NKX3-2: variants seen among roughly 807,000 people sequenced by gnomAD.
NKX3-2 encodes NK3 homeobox 2.
Under a neutral mutation model 19.4 loss-of-function variants are expected in NKX3-2, and 13 were observed. The observed-to-expected ratio is 0.67, with a 90% confidence interval of 0.44 to 1.07. The LOEUF (loss-of-function observed/expected upper bound fraction) is 1.07. Ranked by LOEUF, NKX3-2 falls within the 50% of genes least tolerant of loss-of-function variation. The pLI, the probability that NKX3-2 is intolerant of heterozygous loss-of-function variation, is 0.00. For missense variants in NKX3-2, 562 were observed against 488.2 expected (o/e 1.15, Z -1.42); for synonymous variants, 269 against 230.5 (o/e 1.17, Z -1.51).
upstream of NKX3-2, chr4:13,546,718 C>G (rs1459086308): frequency 2.8e-6 from 1 of 357,670 alleles, no homozygotes; most frequent in African/African-American, 2.1e-5. Context: ...TCACCGAATA[C>G]TAGAGTAGGT....
At position 13,543,847 on chromosome 4, in the gene NKX3-2, C is replaced by T; in HGVS notation, c.466+102G>A. ...TTCGGGATTTGGCCAGCCTCCGAGC[C>T]CCAGGGCGCAGGGTGCTCAAGCCGA... On this transcript the variant is annotated intron_variant, in intron 1 of 1. Transcript: ENST00000382438. The surrounding 1 kb of genome is among the most constrained non-coding windows in gnomAD (Gnocchi z 7.1). The T allele has an allele frequency of 1.8e-6, 2 of 1,101,538 alleles. No homozygotes were observed. The highest frequency in any genetic ancestry group is 3.5e-5 in the South Asian group (2 of 56,840). The allele number at this position is 1,101,538 out of a possible 1,614,324, so 68.2% of individuals were successfully genotyped here.
At chr4:13,547,353 C>T (rs1347510926), upstream of NKX3-2, 6 of 408,004 alleles carry the variant, frequency 1.5e-5, 1 homozygote, top group South Asian at 1.0e-4. Flanking sequence ...CTGTGAGCTC[C>T]AGGAACTCTG....
In NKX3-2 at chr4:13,542,257, G is replaced by A. The variant is rs1293347858; in HGVS notation, c.738C>T (p.Thr246=). Residue 246 remains threonine, a synonymous_variant, in exon 2 of 2, where the codon ACC becomes ACT. Coordinates refer to ENST00000382438, the MANE Select transcript of NKX3-2 (RefSeq NM_001189.4). This position sits in a 1 kb window ranked among gnomAD's most constrained non-coding sequence, Gnocchi z 6.4. ...RADLAASLKL[T]ETQVKIWFQN... is the part of the protein sequence containing the mutation. ...GGAACCAGATTTTCACCTGCGTCTC[G>A]GTGAGCTTCAGCGACGCGGCCAGGT... 1.9e-6 allele frequency: 3 copies of A among 1,611,432 alleles called. No individual in the cohort carries two copies. Among genetic ancestry groups the A allele is most frequent in the South Asian group, 1.1e-5 (1 of 90,726 alleles).
upstream of NKX3-2, chr4:13,547,522 C>T (rs1224077804): frequency 4.4e-6 from 1 of 229,104 alleles, no homozygotes; most frequent in Non-Finnish European, 8.5e-6. Context: ...GCCCACGGGC[C>T]CATTTTTTCC....
rs1718032532 is a variant in NKX3-2 at position 13,543,202 on chromosome 4, C to G, written c.467-674G>C. Among the ~76,000 whole-genome samples, 1 of 152,028 alleles carries G rather than the reference C, an allele frequency of 6.6e-6. No individual in the cohort carries two copies. ...CTTCTCGGTCTCGTACCCGCCCTTC[C>G]GAAGAACTCCAGCAGAAAGGTCCAG... is the stretch of plus-strand genomic sequence containing the variant. On this transcript the variant is annotated intron_variant, in intron 1 of 1. Transcript: ENST00000382438. This position sits in a 1 kb window ranked among gnomAD's most constrained non-coding sequence, Gnocchi z 7.1.
upstream of NKX3-2, chr4:13,547,238 G>C (rs1238394693): frequency 2.2e-6 from 1 of 456,216 alleles, no homozygotes; most frequent in African/African-American, 2.0e-5. Flanking sequence ...TGGCGAAGGC[G>C]CAGCAGGCCT....
Position 13,542,568 on chromosome 4 carries a change from C to T in NKX3-2, c.467-40G>A, listed in dbSNP as rs750386174. 5.6e-6 allele frequency: 9 copies of T among 1,595,244 alleles called. No individual in the cohort carries two copies. The highest frequency in any genetic ancestry group is 7.6e-6 in the Non-Finnish European group (9 of 1,178,854). ...GGGAACAGAAACAAGAGACTGTCAGCGCCACAGACGAGGTGAGGCCGGGCC... is the reference window on the plus strand; with the variant it reads ...GGGAACAGAAACAAGAGACTGTCAGTGCCACAGACGAGGTGAGGCCGGGCC... On this transcript the variant is annotated intron_variant, in intron 1 of 1. Transcript: ENST00000382438. The surrounding 1 kb of genome is among the most constrained non-coding windows in gnomAD (Gnocchi z 6.4).
upstream of NKX3-2, chr4:13,547,589 T>G (rs1448375129): frequency 5.2e-6 from 1 of 190,574 alleles, no homozygotes; most frequent in Non-Finnish European, 1.1e-5. Context: ...CACCTTTGTC[T>G]TCTTCCTCCT....
At chr4:13,547,260 A>T (rs1718154246), upstream of NKX3-2, 1 of 456,072 alleles carries the variant, frequency 2.2e-6, no homozygotes, top group Non-Finnish European at 4.4e-6. Context: ...CGCCTGTCGG[A>T]GGACGGCAGA....
At chr4:13,544,741 G>GA (rs985146108), upstream of NKX3-2, 2 of 183,476 alleles carry the variant, frequency 1.1e-5, no homozygotes, top group African/African-American at 4.7e-5. Context: ...CGGGGGACGT[G>GA]AAGGAGGATT....
Position 13,544,219 on chromosome 4 carries a change from C to A in NKX3-2, c.196G>T (p.Ala66Ser), listed in dbSNP as rs1008218980. Residue 66 changes from alanine (A) to serine (S), a missense_variant, in exon 1 of 2, where the codon GCC (alanine) becomes TCC (serine). Ala to Ser is a moderately conservative substitution (Grantham distance 99, BLOSUM62 1). Transcript: ENST00000382438. ...GGAGACGCCAGCAGAGAGTCCTCGG[C>A]GCCCCCCAACGCGCCCGCGTCCCTC... ...GERDAGALGG[A>S]EDSLLASPAG... 2 of 1,592,906 alleles carry A rather than the reference C, an allele frequency of 1.3e-6. No homozygotes were observed. Among genetic ancestry groups the A allele is most frequent in the Admixed American group, 1.7e-5 (1 of 58,984 alleles).
Position 13,542,030 on chromosome 4 carries a change from G to T in NKX3-2, c.965C>A (p.Ala322Glu). The change falls in exon 2 of 2, where the codon GCG (alanine) becomes GAG (glutamate). Residue 322 changes from alanine (A) to glutamate (E), a missense_variant. Coordinates refer to ENST00000382438, the MANE Select transcript of NKX3-2 (RefSeq NM_001189.4). The surrounding 1 kb of genome is among the most constrained non-coding windows in gnomAD (Gnocchi z 6.4). ...TGCGGCAGCTGCGCAGGTGGAGAGC[G>T]CCCAGCCTGGGAGGCAGTAGTACGG... Reference protein sequence around the residue: ...YYPYYCLPGWALSTCAAAAGT... With the variant: ...YYPYYCLPGWELSTCAAAAGT... The T allele has an allele frequency of 6.3e-7, 1 of 1,598,340 alleles. No individual in the cohort carries two copies. Among genetic ancestry groups the T allele is most frequent in the Non-Finnish European group, 8.5e-7 (1 of 1,173,004 alleles).
chr4:13,544,214 C>G lies in NKX3-2; in HGVS notation c.201G>C (p.Glu67Asp), dbSNP rs760844560. 1.3e-6 allele frequency: 2 copies of G among 1,596,040 alleles called. No homozygotes were observed. The highest frequency in any genetic ancestry group is 1.1e-5 in the South Asian group (1 of 89,942). The change falls in exon 1 of 2, where the codon GAG becomes GAC. Residue 67 changes from glutamate (E) to aspartate (D), a missense_variant. Coordinates refer to ENST00000382438, the MANE Select transcript of NKX3-2 (RefSeq NM_001189.4). ...CGGCAGGAGACGCCAGCAGAGAGTC[C>G]TCGGCGCCCCCCAACGCGCCCGCGT... is the stretch of plus-strand genomic sequence containing the variant. ...ERDAGALGGA[E>D]DSLLASPAGT...
Position 13,544,289 on chromosome 4 carries a change from C to T in NKX3-2, c.126G>A (p.Ser42=). Residue 42 remains serine, a synonymous_variant, in exon 1 of 2, where the codon TCG becomes TCA. Transcript: ENST00000382438. The part of the protein sequence containing the change: ...GRPAPGGTAA[S]VAAAPAVCCW... Reference sequence around the variant, plus strand: ...AGCAGACAGCGGGAGCCGCGGCCACCGATGCCGCTGTGCCCCCGGGCGCCG... The same window carrying T: ...AGCAGACAGCGGGAGCCGCGGCCACTGATGCCGCTGTGCCCCCGGGCGCCG... 6.5e-7 allele frequency: 1 copy of T among 1,543,258 alleles called. No homozygotes were observed. The highest frequency in any genetic ancestry group is 1.4e-5 in the African/African-American group (1 of 71,792).
upstream of NKX3-2, among the ~76,000 whole-genome samples, chr4:13,545,593 TA>T (rs928021154): frequency 1.4e-4 from 22 of 152,140 alleles, no homozygotes; most frequent in East Asian, 5.8e-4. Context: ...AGAGGAATTA[TA>T]AAAAAATGGT....
chr4:13,542,802 C>T lies in NKX3-2; in HGVS notation c.467-274G>A, dbSNP rs1445744986. Among the ~76,000 whole-genome samples the T allele has an allele frequency of 1.3e-5, 2 of 152,050 alleles. No homozygotes were observed. The highest frequency in any genetic ancestry group is 2.9e-5 in the Non-Finnish European group (2 of 68,020). On this transcript the variant is annotated intron_variant, in intron 1 of 1. Transcript: ENST00000382438. The surrounding 1 kb of genome is among the most constrained non-coding windows in gnomAD (Gnocchi z 6.4). ...AGACCAGCTCCCCACCCTCTCTGGG[C>T]CCCAGGCTCCCCTCAGTAACTTGGG...
chr4:13,543,073 C>T lies in NKX3-2; in HGVS notation c.467-545G>A, dbSNP rs73100452. ...AGCCGCCTGGGATTGCTGTGAGAGACATGGAAACAGGCTGAGCCGAGGCCT... is the reference window on the plus strand; with the variant it reads ...AGCCGCCTGGGATTGCTGTGAGAGATATGGAAACAGGCTGAGCCGAGGCCT... On this transcript the variant is annotated intron_variant, in intron 1 of 1. Coordinates refer to ENST00000382438, the MANE Select transcript of NKX3-2 (RefSeq NM_001189.4). The surrounding 1 kb of genome is among the most constrained non-coding windows in gnomAD (Gnocchi z 7.1). Among the ~76,000 whole-genome samples the T allele has an allele frequency of 0.033, 5,041 of 152,056 alleles. 271 individuals carry two copies. Among genetic ancestry groups the T allele is most frequent in the African/African-American group, 0.11 (4,647 of 41,442 alleles).
chr4:13,543,754 G>A lies in NKX3-2; in HGVS notation c.466+195C>T, dbSNP rs2109005310. ...TCACCCCAGGACGTAGGGCTCTGAG[G>A]AGCTACTCCGGTCTCTCGCGGGCTC... On this transcript the variant is annotated intron_variant, in intron 1 of 1. Transcript: ENST00000382438. This position sits in a 1 kb window ranked among gnomAD's most constrained non-coding sequence, Gnocchi z 7.1. Among the ~76,000 whole-genome samples the A allele has an allele frequency of 6.6e-6, 1 of 152,354 alleles. No homozygotes were observed. The highest frequency in any genetic ancestry group is 2.1e-4 in the South Asian group (1 of 4,830).
chr4:13,547,276 A>T (rs1399464393), upstream of NKX3-2: 1 of 455,136 alleles, frequency 2.2e-6, no homozygotes, highest in Non-Finnish European at 4.4e-6. Context: ...GCAGATCTGG[A>T]CGCGACCGCG....
Sources: gnomAD v4.1 joint callset for allele counts (sites outside exome capture counted in the v4.1 genomes callset) on GRCh38, gnomAD v4.1.1 for gene constraint, Gnocchi (gnomAD v3.1) non-coding constraint, MANE v1.5 for transcripts, NCBI Gene and HGNC (gene_info 2026-07-23, HGNC 2026-07-21) for gene names.